Variants in MYO3B observed in about 807,000 individuals in gnomAD.
MYO3B encodes the protein myosin IIIB, also known as myosin-IIIb.
MYO3B carries 156 observed loss-of-function variants against 174.6 expected under a neutral mutation model. The ratio of observed to expected loss-of-function variants is 0.89; its 90% confidence interval spans 0.78 to 1.02. MYO3B has a LOEUF of 1.02. MYO3B is among the 50% of genes least tolerant of loss of function. MYO3B has a pLI of 0.00. For synonymous variants in MYO3B, 563 were observed against 569.1 expected (o/e 0.99, Z 0.15); for missense variants, 1,632 against 1,639.4 (o/e 1.00, Z 0.08).
intron 23 of MYO3B, among the ~76,000 whole-genome samples, chr2:170,454,250 G>C (rs531559206): frequency 3.3e-5 from 5 of 152,312 alleles, no homozygotes; most frequent in African/African-American, 1.2e-4. Flanking sequence ...TCATTAGGGA[G>C]GGCCAGCTGA....
intron 7 of MYO3B, among the ~76,000 whole-genome samples, chr2:170,265,459 A>T (rs1040880775): frequency 2.0e-5 from 3 of 152,266 alleles, no homozygotes; most frequent in Admixed American, 6.5e-5. Flanking sequence ...CAGAGTTATT[A>T]GGAACACTGC....
chr2:170,345,779 G>C (rs540758428), intron 8 of MYO3B, among the ~76,000 whole-genome samples: 1 of 150,346 alleles, frequency 6.7e-6, no homozygotes, highest in Admixed American at 6.7e-5. Context: ...GGAGTAGGAT[G>C]GGCCCCAATC....
chr2:170,361,767 T>G (rs577280740), intron 8 of MYO3B, among the ~76,000 whole-genome samples: 102 of 152,294 alleles, frequency 6.7e-4, no homozygotes, highest in Admixed American at 3.5e-3. Flanking sequence ...CATCTCTCTC[T>G]CTTTTTCCTC....
At chr2:170,425,042 T>C (rs1191705862) in intron 22 of MYO3B, among the ~76,000 whole-genome samples, 1 of 152,222 alleles carries the variant, frequency 6.6e-6, no homozygotes, top group Non-Finnish European at 1.5e-5. Flanking sequence ...CTTTATTAAG[T>C]CATCCCACTC....
At chr2:170,580,718 A>ATATATATATATATATG (rs768974458) in intron 32 of MYO3B, among the ~76,000 whole-genome samples, 2 of 142,702 alleles carry the variant, frequency 1.4e-5, no homozygotes, top group African/African-American at 2.6e-5. Flanking sequence ...AACCTTATAT[A>ATATATATATATATATG]TGTGTGTGTG....
intron 23 of MYO3B, among the ~76,000 whole-genome samples, chr2:170,455,960 G>A (rs1209610202): frequency 6.6e-6 from 1 of 152,090 alleles, no homozygotes; most frequent in East Asian, 1.9e-4. Flanking sequence ...GGTCTTATAG[G>A]GGCCAAGGGA....
rs1463946955 is a variant in MYO3B at position 170,217,331 on chromosome 2, A to T, written c.539A>T (p.Gln180Leu). The change falls in exon 6 of 35, where the codon CAA becomes CTA. Residue 180 changes from glutamine (Q) to leucine (L), a missense_variant. By Grantham distance (113) the Gln-to-Leu change is moderately radical. Transcript: ENST00000408978. ...VKLVDFGVSA[Q>L]LTSTRLRRNT... ...TCTTTCCTTATAGGTGTTTCAGCTC[A>T]ACTCACCAGTACACGTCTGCGGAGA... The T allele has an allele frequency of 6.2e-7, 1 of 1,614,030 alleles. No individual in the cohort carries two copies. The highest frequency in any genetic ancestry group is 1.1e-5 in the South Asian group (1 of 91,082).
intron 7 of MYO3B, among the ~76,000 whole-genome samples, chr2:170,300,743 T>C (rs1329134227): frequency 6.6e-6 from 1 of 152,222 alleles, no homozygotes; most frequent in East Asian, 1.9e-4. Context: ...CAGCTTCAAG[T>C]GCTCATGAAA....
intron 32 of MYO3B, among the ~76,000 whole-genome samples, chr2:170,589,545 A>G (rs1263175716): frequency 6.6e-6 from 1 of 152,032 alleles, no homozygotes; most frequent in Non-Finnish European, 1.5e-5. Flanking sequence ...AGTTTTTAAC[A>G]AAAAAAAGTT....
Position 170,514,695 on chromosome 2 carries a change from A to G in MYO3B, c.3371-226A>G, listed in dbSNP as rs1042079498. ...CATCCAGCTAGTAGAGAATCTGGCC[A>G]GAACAATTATTAATTCTGCTGTTTC... On this transcript the variant is annotated intron_variant, in intron 28 of 34. Coordinates refer to ENST00000408978, the MANE Select transcript of MYO3B (RefSeq NM_138995.5). 2.0e-5 allele frequency among the ~76,000 whole-genome samples: 3 copies of G among 152,244 alleles called. No homozygotes were observed. The South Asian group carries it at 6.2e-4, about 32-fold the overall frequency.
intron 32 of MYO3B, chr2:170,601,929 C>G: frequency 1.2e-6 from 1 of 831,132 alleles, no homozygotes; most frequent in Non-Finnish European, 2.0e-6. Flanking sequence ...GCAAAAAGGC[C>G]GAAGGAGGCC....
intron 23 of MYO3B, among the ~76,000 whole-genome samples, chr2:170,445,182 A>G (rs540133844): frequency 7.2e-4 from 110 of 152,310 alleles, no homozygotes; most frequent in African/African-American, 2.6e-3. Context: ...CAGTATTTTA[A>G]AATATAAAAC....
At chr2:170,520,399 G>A (rs1388555326) in intron 30 of MYO3B, among the ~76,000 whole-genome samples, 1 of 151,462 alleles carries the variant, frequency 6.6e-6, no homozygotes, top group Non-Finnish European at 1.5e-5. Flanking sequence ...TCCAGCCTAG[G>A]AAATATAGTT....
intron 32 of MYO3B, among the ~76,000 whole-genome samples, chr2:170,646,104 T>C (rs1176420149): frequency 6.6e-6 from 1 of 151,972 alleles, no homozygotes; most frequent in Non-Finnish European, 1.5e-5. Context: ...AAACCCCATC[T>C]CTACTAAAAA....
At position 170,469,209 on chromosome 2, in the gene MYO3B, AG is replaced by A. The variant is rs554077916; in HGVS notation, c.3014+2500del. On this transcript the variant is annotated intron_variant, in intron 25 of 34. Transcript: ENST00000408978. The stretch of plus-strand genomic sequence containing the variant: ...TTGTAGTAAATAATGCAGTTTAGTA[AG>A]GAGACCTGAATTCTAGTCTCCTTCA... Among the ~76,000 whole-genome samples the A allele has an allele frequency of 2.5e-3, 376 of 152,290 alleles. 1 individual carries two copies. The highest frequency in any genetic ancestry group is 8.5e-3 in the African/African-American group (353 of 41,566).
At chr2:170,252,805 G>T (rs181422998) in intron 7 of MYO3B, among the ~76,000 whole-genome samples, 5 of 152,142 alleles carry the variant, frequency 3.3e-5, no homozygotes, top group African/African-American at 2.4e-5. Flanking sequence ...GGGAATAAGG[G>T]AGCAAGCCAC....
At chr2:170,601,933 G>A in intron 32 of MYO3B, 1 of 831,198 alleles carries the variant, frequency 1.2e-6, no homozygotes, top group Non-Finnish European at 2.0e-6. Context: ...AAAGGCCGAA[G>A]GAGGCCTCTT....
intron 32 of MYO3B, among the ~76,000 whole-genome samples, chr2:170,633,054 TG>T (rs1697150823): frequency 6.6e-6 from 1 of 152,164 alleles, no homozygotes; most frequent in Non-Finnish European, 1.5e-5. Flanking sequence ...AAGGAGGAGC[TG>T]GTACCATTCC....
chr2:170,307,823 G>A (rs1317040369), intron 7 of MYO3B, among the ~76,000 whole-genome samples: 1 of 152,178 alleles, frequency 6.6e-6, no homozygotes, highest in East Asian at 1.9e-4. Flanking sequence ...AAATTCAGAG[G>A]CAAGTTATTC....
Sources: allele counts gnomAD v4.1 joint callset (sites outside exome capture counted in the v4.1 genomes callset), GRCh38; gene constraint gnomAD v4.1.1; transcripts MANE v1.5; gene names NCBI Gene and HGNC (gene_info 2026-07-23, HGNC 2026-07-21).